TRHDE: variants seen among roughly 807,000 people sequenced by gnomAD.
TRHDE encodes thyrotropin-releasing hormone-degrading ectoenzyme.
TRHDE carries 72 observed loss-of-function variants against 125.7 expected under a neutral mutation model. That is an observed-to-expected ratio of 0.57 (90% CI 0.47 to 0.70). The LOEUF (loss-of-function observed/expected upper bound fraction) is 0.70. Ranked by LOEUF, TRHDE falls within the 30% of genes least tolerant of loss-of-function variation. The pLI is 0.00. For synonymous variants in TRHDE, 509 were observed against 509.1 expected (o/e 1.00, Z 0.00); for missense variants, 1,110 against 1,327.1 (o/e 0.84, Z 2.54).
chr12:72,468,085 G>A (rs1412670654), intron 3 of TRHDE, among the ~76,000 whole-genome samples: 1 of 152,092 alleles, frequency 6.6e-6, no homozygotes, highest in African/African-American at 2.4e-5. Flanking sequence ...CTTCCATGAA[G>A]CAATCATGAT....
chr12:72,196,571 T>C (rs547653232), intron 2 of TRHDE, among the ~76,000 whole-genome samples: 4 of 152,152 alleles, frequency 2.6e-5, no homozygotes, highest in Non-Finnish European at 5.9e-5. Flanking sequence ...TTTTTGTTCA[T>C]AGAATGAACT....
intron 2 of TRHDE, among the ~76,000 whole-genome samples, chr12:72,168,065 G>A (rs550497069): frequency 6.6e-6 from 1 of 152,272 alleles, no homozygotes; most frequent in Non-Finnish European, 1.5e-5. Context: ...TATAATGCTA[G>A]ACATTCTAGA....
intron 2 of TRHDE, among the ~76,000 whole-genome samples, chr12:72,223,210 C>T (rs1303005532): frequency 2.6e-5 from 4 of 151,944 alleles, no homozygotes; most frequent in Admixed American, 6.6e-5. Context: ...TGAGAAGACC[C>T]GAGTTTAGCT....
At chr12:72,195,020 T>C (rs1260969336) in intron 2 of TRHDE, among the ~76,000 whole-genome samples, 1 of 152,078 alleles carries the variant, frequency 6.6e-6, no homozygotes, top group East Asian at 1.9e-4. Flanking sequence ...TCAGGAAACT[T>C]ACAATCATGG....
rs781601069 is a variant in TRHDE at position 72,621,657 on chromosome 12, G to A, written c.2581G>A (p.Glu861Lys). 6.2e-7 allele frequency: 1 copy of A among 1,606,568 alleles called. No homozygotes were observed. The change falls in exon 15 of 19, where the codon GAA becomes AAA. Residue 861 changes from glutamate (E) to lysine (K), a missense_variant. By Grantham distance (56) the Glu-to-Lys change is moderately conservative (BLOSUM62 1). This residue lies in a region of TRHDE where 527 missense variants were observed against 651.8 expected (regional missense o/e 0.81). Transcript: ENST00000261180. ...GATGATATCTAGAGAACTACGTAGA[G>A]AAGTTATAATGCTGGCCTGCAGTTT... ...ASYQHEELRR[E>K]VIMLACSFGN...
intron 2 of TRHDE, among the ~76,000 whole-genome samples, chr12:72,305,570 C>A (rs1293512456): frequency 6.6e-6 from 1 of 152,168 alleles, no homozygotes; most frequent in Admixed American, 6.5e-5. Flanking sequence ...ATAGGATTCA[C>A]CCTAACTCTA....
At chr12:72,655,845 T>C (rs1219551404) in intron 17 of TRHDE, among the ~76,000 whole-genome samples, 2 of 152,224 alleles carry the variant, frequency 1.3e-5, no homozygotes, top group South Asian at 2.1e-4. Flanking sequence ...CCTATTTGTT[T>C]GCTTTTACTT....
At chr12:72,491,416 G>A (rs1877678475) in intron 5 of TRHDE, among the ~76,000 whole-genome samples, 1 of 151,888 alleles carries the variant, frequency 6.6e-6, no homozygotes, top group Non-Finnish European at 1.5e-5. Context: ...GATAACTTCT[G>A]CTGTATCAAT....
chr12:72,301,976 T>G (rs1357056609), intron 2 of TRHDE, among the ~76,000 whole-genome samples: 3 of 152,246 alleles, frequency 2.0e-5, no homozygotes, highest in Non-Finnish European at 4.4e-5. Context: ...AGCATAGTGC[T>G]ACAGTGGAAA....
At chr12:72,359,186 A>G (rs1322039942) in intron 2 of TRHDE, among the ~76,000 whole-genome samples, 1 of 151,482 alleles carries the variant, frequency 6.6e-6, no homozygotes, top group Non-Finnish European at 1.5e-5. Flanking sequence ...ACAAGAAAAA[A>G]AAACATATCT....
intron 2 of TRHDE, among the ~76,000 whole-genome samples, chr12:72,190,309 A>G (rs1378069477): frequency 6.6e-6 from 1 of 152,258 alleles, no homozygotes; most frequent in African/African-American, 2.4e-5. Flanking sequence ...AAAAAGTTCA[A>G]GTCTGGCTTA....
chr12:72,238,338 A>T lies in TRHDE; in HGVS notation n.279+132586A>T, dbSNP rs1478886580. On this transcript the variant is annotated intron_variant and non_coding_transcript_variant, in intron 2 of 4. Coordinates refer to the TRHDE transcript ENST00000548156. The stretch of plus-strand genomic sequence containing the variant: ...TATATATATACATATATATATACAC[A>T]TTATATATATATATATATATATATA... Among the ~76,000 whole-genome samples, 9 of 18,608 alleles carry T rather than the reference A, an allele frequency of 4.8e-4. No individual in the cohort carries two copies. The South Asian group carries it at 0.012, about 24-fold the overall frequency. The allele number at this position is 18,608 out of a possible 152,430, so 12.2% of individuals were successfully genotyped here.
intron 12 of TRHDE, among the ~76,000 whole-genome samples, chr12:72,588,435 C>T (rs1871531767): frequency 6.6e-6 from 1 of 152,088 alleles, no homozygotes; most frequent in Admixed American, 6.5e-5. Context: ...GTAGATGTGG[C>T]TCTAATGGAG....
At chr12:72,657,145 CGTTAA>C in intron 18 of TRHDE, 137 bp downstream of exon 18, 1 of 598,682 alleles carries the variant, frequency 1.7e-6, no homozygotes, top group Non-Finnish European at 3.0e-6. Context: ...CACACACACA[CGTTAA>C]AGACTACTCA....
At position 72,272,792 on chromosome 12, in the gene TRHDE, A is replaced by C; in HGVS notation, c.149A>C (p.Asp50Ala). Residue 50 changes from aspartate to alanine, a missense_variant, in exon 1 of 19, where the codon GAC (aspartate) becomes GCC (alanine). Asp to Ala is a moderately radical substitution (Grantham distance 126). This residue lies in a region of TRHDE where 248 missense variants were observed against 240.8 expected (regional missense o/e 1.03). Transcript: ENST00000261180. This position sits in a 1 kb window ranked among gnomAD's most constrained non-coding sequence, Gnocchi z 6.7. ...TTCGCAGCCGCGATGGGGGAAGACGACGCCGCGCTTCGGGCTGGCAGCAGG... is the reference window on the plus strand; with the variant it reads ...TTCGCAGCCGCGATGGGGGAAGACGCCGCCGCGCTTCGGGCTGGCAGCAGG... ...SPFAAAMGED[D>A]AALRAGSRGL... 3 of 1,560,362 alleles carry C rather than the reference A, an allele frequency of 1.9e-6. No homozygotes were observed. The highest frequency in any genetic ancestry group is 2.3e-5 in the East Asian group (1 of 43,256).
intron 5 of TRHDE, among the ~76,000 whole-genome samples, chr12:72,478,690 C>A (rs1402021983): frequency 6.6e-6 from 1 of 152,006 alleles, no homozygotes; most frequent in Non-Finnish European, 1.5e-5. Flanking sequence ...ATAAGAGCAG[C>A]AATGAGAGCA....
intron 12 of TRHDE, among the ~76,000 whole-genome samples, chr12:72,581,442 A>G (rs1871220399): frequency 6.6e-6 from 1 of 152,220 alleles, no homozygotes; most frequent in African/African-American, 2.4e-5. Flanking sequence ...GGGTTAAATC[A>G]TGATCATCAT....
At chr12:72,414,934 T>C (rs539285474) in intron 3 of TRHDE, among the ~76,000 whole-genome samples, 2 of 152,266 alleles carry the variant, frequency 1.3e-5, no homozygotes, top group African/African-American at 4.8e-5. Flanking sequence ...TTTTAAATTG[T>C]CTAAAATCAC....
Position 72,542,292 on chromosome 12 carries a change from G to T in TRHDE, c.1724G>T (p.Gly575Val). The T allele has an allele frequency of 4.4e-6, 7 of 1,601,876 alleles. No homozygotes were observed. Among genetic ancestry groups the T allele is most frequent in the South Asian group, 1.1e-5 (1 of 89,616 alleles). The change falls in exon 7 of 19, where the codon GGT becomes GTT. Residue 575 changes from glycine to valine, a missense_variant and splice_region_variant. By Grantham distance (109) the Gly-to-Val change is moderately radical. This residue lies in a region of TRHDE where 527 missense variants were observed against 651.8 expected (regional missense o/e 0.81). Transcript: ENST00000261180. Reference protein sequence around the residue: ...RVFDWIAYKKGAALIRMLANF... With the variant: ...RVFDWIAYKKVAALIRMLANF... ...TCTTTTTATTATTCTTTCCTATAGG[G>T]TGCTGCTTTAATAAGAATGCTGGCT...
Sources: gnomAD v4.1 joint callset for allele counts (sites outside exome capture counted in the v4.1 genomes callset) on GRCh38, gnomAD v4.1.1 for gene constraint, gnomAD v4.1.1 regional missense constraint, Gnocchi (gnomAD v3.1) non-coding constraint, MANE v1.5 for transcripts, NCBI Gene and HGNC (gene_info 2026-07-23, HGNC 2026-07-21) for gene names.